The following ITGA1 variants were observed in gnomAD, a reference collection of about 807,000 sequenced individuals.
ITGA1 encodes the protein integrin subunit alpha 1, also known as integrin alpha-1.
Under a neutral mutation model 145.9 loss-of-function variants are expected in ITGA1, and 85 were observed. That is an observed-to-expected ratio of 0.58 (90% CI 0.49 to 0.70). ITGA1 has a LOEUF of 0.70. Among genes scored for constraint, ITGA1 ranks in the 30% least tolerant of loss-of-function variants. ITGA1 has a pLI of 0.00. For missense variants in ITGA1, 1,351 were observed against 1,418.7 expected (o/e 0.95, Z 0.77); for synonymous variants, 520 against 495.3 (o/e 1.05, Z -0.66).
intron 15 of ITGA1, among the ~76,000 whole-genome samples, 181 bp from the exon 16 acceptor site, chr5:52,918,551 A>C (rs1750683309): frequency 6.6e-6 from 1 of 152,178 alleles, no homozygotes; most frequent in Non-Finnish European, 1.5e-5. Flanking sequence ...TATAACCTAC[A>C]TGTCTTAGAA....
rs6869687 is a variant in ITGA1 at position 52,952,987 on chromosome 5, C to G, written c.*536C>G. 79,354 of 151,736 alleles carry G rather than the reference C, an allele frequency of 0.52. 21,311 individuals are homozygous for G. The highest frequency in any genetic ancestry group is 0.59 in the Middle Eastern group (172 of 292). 9.4% of individuals were successfully genotyped at this position (151,736 alleles called of 1,614,324 possible). A position where few individuals can be genotyped will look rare whatever the true frequency, so the allele number is the denominator to read the frequency against. ...CAATATGGATTGAAAATTAAGTCAC[C>G]AAGAATACATTTAGCATCTTTGTGT... On this transcript the variant is annotated 3_prime_UTR_variant, in exon 29 of 29. Transcript: ENST00000282588.
chr5:52,844,959 CTA>C (rs1224008542), intron 1 of ITGA1, among the ~76,000 whole-genome samples: 1 of 152,152 alleles, frequency 6.6e-6, no homozygotes, highest in Non-Finnish European at 1.5e-5. Flanking sequence ...TGGATGTAAA[CTA>C]TTTTTTTATG....
chr5:52,912,895 C>A (rs1449014048), intron 14 of ITGA1, among the ~76,000 whole-genome samples: 2 of 151,782 alleles, frequency 1.3e-5, no homozygotes, highest in Admixed American at 6.6e-5. Flanking sequence ...TACAGGCTCC[C>A]GCCACCACGC....
chr5:52,861,548 T>G lies in ITGA1; in HGVS notation c.284T>G (p.Leu95Trp). 6.2e-7 allele frequency: 1 copy of G among 1,602,086 alleles called. No individual in the cohort carries two copies. Among genetic ancestry groups the G allele is most frequent in the Non-Finnish European group, 8.6e-7 (1 of 1,169,204 alleles). Reference sequence around the variant, plus strand: ...GGTGAATCATTACCTTGTGTAAAGTTGGATCTACCAGGTATGTAAAATTAA... The same window carrying G: ...GGTGAATCATTACCTTGTGTAAAGTGGGATCTACCAGGTATGTAAAATTAA... Reference protein sequence around the residue: ...GRGESLPCVKLDLPVNTSIPN... With the variant: ...GRGESLPCVKWDLPVNTSIPN... The change falls in exon 3 of 29, where the codon TTG (leucine) becomes TGG (tryptophan). Residue 95 changes from leucine (L) to tryptophan (W), a missense_variant. Leu to Trp is a moderately conservative substitution (Grantham distance 61, BLOSUM62 -2). Transcript: ENST00000282588.
intron 6 of ITGA1, among the ~76,000 whole-genome samples, chr5:52,874,409 G>A (rs1460160480): frequency 4.8e-5 from 7 of 144,520 alleles, no homozygotes; most frequent in Non-Finnish European, 1.1e-4. Flanking sequence ...TGTCTCGGTG[G>A]GGACAAACCA....
At chr5:52,819,178 G>A (rs1235782880) in intron 1 of ITGA1, among the ~76,000 whole-genome samples, 1 of 152,104 alleles carries the variant, frequency 6.6e-6, no homozygotes, top group Admixed American at 6.6e-5. Flanking sequence ...GGGATGGTGG[G>A]GTCAAATGGT....
chr5:52,820,785 A>G (rs1469897617), intron 1 of ITGA1, among the ~76,000 whole-genome samples: 1 of 152,188 alleles, frequency 6.6e-6, no homozygotes, highest in African/African-American at 2.4e-5. Flanking sequence ...AACATGAATA[A>G]GAAATTTATA....
At chr5:52,885,956 C>T (rs1361233429) in intron 7 of ITGA1, among the ~76,000 whole-genome samples, 7 of 152,110 alleles carry the variant, frequency 4.6e-5, no homozygotes, top group Non-Finnish European at 8.8e-5. Context: ...GCCTAATTGC[C>T]TATAAATTCA....
chr5:52,911,855 CA>C (rs1750549561), intron 14 of ITGA1, among the ~76,000 whole-genome samples: 1 of 133,658 alleles, frequency 7.5e-6, no homozygotes, highest in Non-Finnish European at 1.6e-5. Flanking sequence ...TCTATATACA[CA>C]CACTATATAT....
chr5:52,805,135 T>G (rs1219609427), intron 1 of ITGA1, among the ~76,000 whole-genome samples: 33 of 152,138 alleles, frequency 2.2e-4, no homozygotes, highest in African/African-American at 7.2e-4. Flanking sequence ...CAAGGACCAG[T>G]AAGTTTACCT....
intron 23 of ITGA1, among the ~76,000 whole-genome samples, chr5:52,934,941 C>G (rs373158290): frequency 4.6e-5 from 7 of 151,850 alleles, no homozygotes; most frequent in African/African-American, 1.2e-4. Flanking sequence ...GCCAATCACT[C>G]TACTGGATTC....
At chr5:52,914,939 G>A (rs1750619955) in intron 14 of ITGA1, among the ~76,000 whole-genome samples, 1 of 152,116 alleles carries the variant, frequency 6.6e-6, no homozygotes, top group Non-Finnish European at 1.5e-5. Flanking sequence ...AGTCTCTTGT[G>A]CCCTCAACTT....
At chr5:52,823,405 T>C (rs1021422909) in intron 1 of ITGA1, among the ~76,000 whole-genome samples, 4 of 152,106 alleles carry the variant, frequency 2.6e-5, no homozygotes, top group Non-Finnish European at 2.9e-5. Context: ...GGGGTTTTGC[T>C]CTGTTGACCA....
At chr5:52,866,442 C>A (rs761264094) in intron 6 of ITGA1, among the ~76,000 whole-genome samples, 1 of 152,144 alleles carries the variant, frequency 6.6e-6, no homozygotes, top group African/African-American at 2.4e-5. Context: ...GATATAGCCA[C>A]TTTTGGTAAT....
rs202206578 is a variant in ITGA1 at position 52,925,406 on chromosome 5, A to G, written c.2532A>G (p.Thr844=). The G allele has an allele frequency of 1.2e-6, 2 of 1,614,098 alleles. No individual in the cohort carries two copies. The highest frequency in any genetic ancestry group is 1.1e-5 in the South Asian group (1 of 91,084). The change falls in exon 19 of 29, where the codon ACA becomes ACG. Residue 844 remains threonine, a synonymous_variant. Coordinates refer to ENST00000282588, the MANE Select transcript of ITGA1 (RefSeq NM_181501.2). The part of the protein sequence containing the change: ...SQNDKFNVSL[T]VKNTKDSAYN... ...ATGATAAGTTCAACGTTAGCCTCAC[A>G]GTCAAAAATACAAAGGACAGTGCCT...
At chr5:52,844,256 C>T (rs1329481093) in intron 1 of ITGA1, among the ~76,000 whole-genome samples, 1 of 152,092 alleles carries the variant, frequency 6.6e-6, no homozygotes, top group Non-Finnish European at 1.5e-5. Flanking sequence ...GCTCTGTGGC[C>T]AGGACTTTTC....
chr5:52,906,360 T>C (rs1238192063), intron 12 of ITGA1, among the ~76,000 whole-genome samples: 2 of 152,196 alleles, frequency 1.3e-5, no homozygotes, highest in Non-Finnish European at 2.9e-5. Context: ...ACCCATATGA[T>C]GTGAGGTTTT....
At chr5:52,929,786 C>G in intron 21 of ITGA1, 85 bp downstream of exon 21, 1 of 685,780 alleles carries the variant, frequency 1.5e-6, no homozygotes, top group Non-Finnish European at 2.4e-6. Flanking sequence ...TATAAACTCA[C>G]TGACAGTTTC....
chr5:52,820,267 G>C (rs1383859432), intron 1 of ITGA1, among the ~76,000 whole-genome samples: 1 of 148,810 alleles, frequency 6.7e-6, no homozygotes, highest in Non-Finnish European at 1.5e-5. Context: ...GCAAACTATC[G>C]CAAGGACAAA....
Sources: allele counts gnomAD v4.1 joint callset (sites outside exome capture counted in the v4.1 genomes callset), GRCh38; gene constraint gnomAD v4.1.1; transcripts MANE v1.5; gene names NCBI Gene and HGNC (gene_info 2026-07-23, HGNC 2026-07-21).